Variants in VWA8 observed in about 807,000 individuals in gnomAD.
VWA8 encodes von Willebrand factor A domain-containing protein 8.
In VWA8, 221 loss-of-function variants were observed where a neutral mutation model predicts 241.5. That is an observed-to-expected ratio of 0.91 (90% confidence interval 0.82 to 1.02). VWA8 has a LOEUF of 1.02. VWA8 is among the 50% of genes least tolerant of loss of function. VWA8 has a pLI of 0.00. For synonymous variants in VWA8, 852 were observed against 827.1 expected, an observed-to-expected ratio of 1.03 and a Z score of -0.52; for missense variants, 2,322 against 2,328.7, an observed-to-expected ratio of 1.00 and a Z score of 0.06.
At chr13:41,656,822 C>A (rs2139691889) in intron 37 of VWA8, among the ~76,000 whole-genome samples, 1 of 152,260 alleles carries the variant, frequency 6.6e-6, no homozygotes, top group South Asian at 2.1e-4. Context: ...TTGGAAGGAG[C>A]TGGCTCTTGC....
chr13:41,786,841 T>C (rs374567755), intron 18 of VWA8, among the ~76,000 whole-genome samples: 10 of 152,174 alleles, frequency 6.6e-5, no homozygotes, highest in African/African-American at 2.4e-4. Context: ...AAATCTTTCA[T>C]TGTGTTCTAA....
At chr13:41,912,530 T>C (rs1876061055) in intron 2 of VWA8, among the ~76,000 whole-genome samples, 1 of 152,100 alleles carries the variant, frequency 6.6e-6, no homozygotes, top group Admixed American at 6.6e-5. Flanking sequence ...TCTTCAAGGA[T>C]GATTTGAGGA....
chr13:41,611,197 A>G (rs2139660502), intron 39 of VWA8, among the ~76,000 whole-genome samples: 1 of 151,840 alleles, frequency 6.6e-6, no homozygotes, highest in Non-Finnish European at 1.5e-5. Flanking sequence ...TCCGCACCCT[A>G]TGACTTTAGC....
chr13:41,689,980 G>C (rs1427130032), intron 33 of VWA8, among the ~76,000 whole-genome samples, 186 bp downstream of exon 33: 2 of 152,008 alleles, frequency 1.3e-5, no homozygotes, highest in Non-Finnish European at 2.9e-5. Context: ...GCTTACAACA[G>C]TGAACTTCCT....
At chr13:41,881,968 A>G (rs1159944236) in intron 9 of VWA8, among the ~76,000 whole-genome samples, 2 of 148,138 alleles carry the variant, frequency 1.4e-5, no homozygotes, top group Admixed American at 1.3e-4. Context: ...CTTCCCAGAC[A>G]GGGTGACTGC....
At chr13:41,951,692 G>T (rs1272760771) in intron 1 of VWA8, among the ~76,000 whole-genome samples, 5 of 152,174 alleles carry the variant, frequency 3.3e-5, no homozygotes, top group African/African-American at 1.2e-4. Context: ...TTTCAGCACT[G>T]CCAGTTTAAA....
At chr13:41,649,383 C>T (rs560301669) in intron 37 of VWA8, among the ~76,000 whole-genome samples, 3 of 152,104 alleles carry the variant, frequency 2.0e-5, no homozygotes, top group South Asian at 2.1e-4. Context: ...AAAATGAACA[C>T]TAGTAATTAT....
intron 12 of VWA8, among the ~76,000 whole-genome samples, chr13:41,854,621 T>TA (rs1185616698): frequency 6.6e-6 from 1 of 152,104 alleles, no homozygotes; most frequent in Non-Finnish European, 1.5e-5. Context: ...TTCTAAGTGA[T>TA]AAAGTCTTAT....
intron 21 of VWA8, among the ~76,000 whole-genome samples, chr13:41,737,627 A>G (rs1390871678): frequency 1.3e-5 from 2 of 152,192 alleles, no homozygotes; most frequent in Admixed American, 1.3e-4. Flanking sequence ...TTTGATTTCT[A>G]TTGTACAACA....
Position 41,891,928 on chromosome 13 carries a change from C to T in VWA8, c.484-341G>A, listed in dbSNP as rs77964257. On this transcript the variant is annotated intron_variant, in intron 4 of 44. Coordinates refer to ENST00000379310, the MANE Select transcript of VWA8 (RefSeq NM_015058.2). ...CATAATTAAACAAGGGCACAGATTC[C>T]ACAACTGGAAAAGAAAAATGAAGAC... Among the ~76,000 whole-genome samples, 263 of 152,166 alleles carry T rather than the reference C, an allele frequency of 1.7e-3. 2 individuals carry two copies. Among genetic ancestry groups the T allele is most frequent in the African/African-American group, 5.8e-3 (239 of 41,530 alleles).
intron 21 of VWA8, among the ~76,000 whole-genome samples, chr13:41,736,163 T>C (rs1016734932): frequency 1.3e-5 from 2 of 152,180 alleles, no homozygotes; most frequent in African/African-American, 4.8e-5. Context: ...CATTTATCAG[T>C]AATACTTGAT....
At chr13:41,575,292 A>AGAC (rs2044343369) in intron 43 of VWA8, among the ~76,000 whole-genome samples, 1 of 152,194 alleles carries the variant, frequency 6.6e-6, no homozygotes, top group African/African-American at 2.4e-5. Context: ...GAGGGATAAA[A>AGAC]GACTACATAC....
intron 37 of VWA8, among the ~76,000 whole-genome samples, chr13:41,643,544 CTG>C: frequency 1.3e-5 from 2 of 152,326 alleles, no homozygotes; most frequent in African/African-American, 4.8e-5. Context: ...CACTTCTACC[CTG>C]CCACTTTCCA....
intron 1 of VWA8, among the ~76,000 whole-genome samples, chr13:41,952,647 C>CTCATTACAAA (rs1878184823): frequency 6.6e-6 from 1 of 152,046 alleles, no homozygotes; most frequent in African/African-American, 2.4e-5. Context: ...TACAAACATT[C>CTCATTACAAA]CCTGAGTGTT....
intron 14 of VWA8, among the ~76,000 whole-genome samples, chr13:41,830,238 GTCTC>G (rs1871383649): frequency 7.4e-6 from 1 of 135,828 alleles, no homozygotes; most frequent in South Asian, 2.4e-4. Flanking sequence ...GCGAGACTCT[GTCTC>G]AAAAAAAAAA....
Position 41,865,971 on chromosome 13 carries a change from G to A in VWA8, c.1278C>T (p.Ser426=). ...TCATTTCAGCCTGTAGCTGCTTATG[G>A]CTCAAAGTCTGTATGAAACGGTCTG... ...CASDRFIQTL[S]HKQLQAEMMQ... The change falls in exon 11 of 45, where the codon AGC becomes AGT. Residue 426 remains serine (S), a synonymous_variant. Transcript: ENST00000379310. 1 of 1,614,144 alleles carries A rather than the reference G, an allele frequency of 6.2e-7. No homozygotes were observed. The highest frequency in any genetic ancestry group is 8.5e-7 in the Non-Finnish European group (1 of 1,180,036).
At chr13:41,819,950 G>A (rs1870878060) in intron 14 of VWA8, among the ~76,000 whole-genome samples, 1 of 152,130 alleles carries the variant, frequency 6.6e-6, no homozygotes, top group Non-Finnish European at 1.5e-5. Flanking sequence ...TTTATAGAAT[G>A]CATTCTTTGG....
At chr13:41,893,157 T>G (rs1310987198) in intron 4 of VWA8, among the ~76,000 whole-genome samples, 2 of 152,196 alleles carry the variant, frequency 1.3e-5, no homozygotes, top group South Asian at 2.1e-4. Context: ...AGACTTAATA[T>G]CCAAATAAAT....
intron 12 of VWA8, among the ~76,000 whole-genome samples, chr13:41,845,427 A>G (rs1872246823): frequency 6.6e-6 from 1 of 152,172 alleles, no homozygotes; most frequent in Non-Finnish European, 1.5e-5. Context: ...CAAAGAACTT[A>G]GAACTATCTT....
Sources: gnomAD v4.1 joint callset for allele counts (sites outside exome capture counted in the v4.1 genomes callset) on GRCh38, gnomAD v4.1.1 for gene constraint, MANE v1.5 for transcripts, NCBI Gene and HGNC (gene_info 2026-07-23, HGNC 2026-07-21) for gene names.